FGFR2: variants seen among roughly 807,000 people sequenced by gnomAD.
The protein encoded by FGFR2 is BEK fibroblast growth factor receptor.
FGFR2 carries 19 observed loss-of-function variants against 95.9 expected under a neutral mutation model. That is an observed-to-expected ratio of 0.20 (90% CI 0.14 to 0.29). The LOEUF (loss-of-function observed/expected upper bound fraction) is 0.29, where lower values mean the gene tolerates loss of function less well. Ranked by LOEUF, FGFR2 falls within the 10% of genes least tolerant of loss-of-function variation. The pLI, the probability that FGFR2 is intolerant of heterozygous loss-of-function variation, is 1.00. For missense variants in FGFR2, 707 were observed against 1,056.9 expected (o/e 0.67, Z 4.59); for synonymous variants, 392 against 393.3 (o/e 1.00, Z 0.04).
At chr10:121,552,941 A>G (rs1402969071) in intron 4 of FGFR2, among the ~76,000 whole-genome samples, 1 of 152,188 alleles carries the variant, frequency 6.6e-6, no homozygotes, top group Admixed American at 6.5e-5. Flanking sequence ...TCTCTGATGC[A>G]TATTTAGAAG....
intron 5 of FGFR2, among the ~76,000 whole-genome samples, chr10:121,545,867 A>G (rs1196169691): frequency 6.6e-6 from 1 of 152,154 alleles, no homozygotes; most frequent in Non-Finnish European, 1.5e-5. Context: ...ATGCTCAATA[A>G]TGCTTTACTC....
chr10:121,577,178 T>TATATATATAGAG, intron 2 of FGFR2, among the ~76,000 whole-genome samples: 21 of 5,210 alleles, frequency 4.0e-3, no homozygotes, highest in Admixed American at 9.6e-3. Flanking sequence ...TATATATATA[T>TATATATATAGAG]AGAGAGAGAG....
In FGFR2 at chr10:121,509,685, G is replaced by A. The variant is rs139792117; in HGVS notation, c.1287+5432C>T. Among the ~76,000 whole-genome samples, 1,113 of 151,672 alleles carry A rather than the reference G, an allele frequency of 7.3e-3. 18 individuals carry two copies. Among genetic ancestry groups the A allele is most frequent in the African/African-American group, 0.026 (1,075 of 41,326 alleles). ...TTTAGTAGACACATGGTTTCATCAC[G>A]CTGGTCAGGCTGGTCTCGAACTCCT... On this transcript the variant is annotated intron_variant, in intron 9 of 17. Transcript: ENST00000358487.
At chr10:121,539,400 C>T (rs1486751660) in intron 5 of FGFR2, among the ~76,000 whole-genome samples, 2 of 152,162 alleles carry the variant, frequency 1.3e-5, no homozygotes, top group African/African-American at 4.8e-5. Flanking sequence ...CGTTCACAAA[C>T]TTCTTGAGAC....
At chr10:121,554,596 C>T (rs1855866816) in intron 4 of FGFR2, among the ~76,000 whole-genome samples, 1 of 150,042 alleles carries the variant, frequency 6.7e-6, no homozygotes, top group East Asian at 2.0e-4. Flanking sequence ...TGGTCTGGAT[C>T]TCCTGACCTC....
chr10:121,592,028 T>G (rs543009035), intron 2 of FGFR2, among the ~76,000 whole-genome samples: 131 of 152,336 alleles, frequency 8.6e-4, no homozygotes, highest in African/African-American at 3.0e-3. Context: ...TTACACTTTA[T>G]GTTGAAATAA....
rs755574715 is a variant in FGFR2, at chr10:121,503,851, G to A, written c.1378C>T (p.Leu460=). ...RLSSTADTPM[L]AGVSEYELPE... ...AGTTCATACTCGGAGACCCCTGCCAGCATGGGGGTGTCTGCCGTTGAAGAG... is the reference window on the plus strand; with the variant it reads ...AGTTCATACTCGGAGACCCCTGCCAACATGGGGGTGTCTGCCGTTGAAGAG... The change falls in exon 10 of 18, where the codon CTG becomes TTG. Residue 460 remains leucine, a synonymous_variant. Coordinates refer to ENST00000358487, the MANE Select transcript of FGFR2 (RefSeq NM_000141.5). 2.5e-6 allele frequency: 4 copies of A among 1,614,192 alleles called. No homozygotes were observed. Among genetic ancestry groups the A allele is most frequent in the Non-Finnish European group, 3.4e-6 (4 of 1,180,036 alleles).
intron 3 of FGFR2, 100 bp downstream of exon 3, chr10:121,565,338 G>T: frequency 6.8e-7 from 1 of 1,467,024 alleles, no homozygotes; most frequent in Non-Finnish European, 9.5e-7. Flanking sequence ...TGTATGCCTG[G>T]CATCCAATTA....
chr10:121,556,286 G>C (rs1046753653), intron 4 of FGFR2, among the ~76,000 whole-genome samples: 1 of 152,162 alleles, frequency 6.6e-6, no homozygotes, highest in African/African-American at 2.4e-5. Flanking sequence ...AGGATTATGT[G>C]ATTTCTTTTG....
At chr10:121,570,267 C>G (rs1479749525) in intron 2 of FGFR2, among the ~76,000 whole-genome samples, 2 of 152,230 alleles carry the variant, frequency 1.3e-5, no homozygotes, top group Admixed American at 1.3e-4. Context: ...TGACCTGACC[C>G]GCTGCCCACT....
chr10:121,571,588 G>A (rs1174994735), intron 2 of FGFR2, among the ~76,000 whole-genome samples: 1 of 151,480 alleles, frequency 6.6e-6, no homozygotes, highest in Non-Finnish European at 1.5e-5. Flanking sequence ...ATTACAGGTG[G>A]TAGCCACCGC....
chr10:121,577,185 A>AGAGAGAGAGAGAGAGG (rs1554859067), intron 2 of FGFR2, among the ~76,000 whole-genome samples: 3 of 114,812 alleles, frequency 2.6e-5, no homozygotes, highest in African/African-American at 1.1e-4. Flanking sequence ...ATATAGAGAG[A>AGAGAGAGAGAGAGAGG]GAGAGAGAGA....
intron 5 of FGFR2, among the ~76,000 whole-genome samples, chr10:121,545,518 G>A (rs552711692): frequency 2.0e-5 from 3 of 152,292 alleles, no homozygotes; most frequent in East Asian, 1.9e-4. Flanking sequence ...AAGTCACGAC[G>A]CAGGGGAGCA....
At chr10:121,558,360 A>G (rs1856476598) in intron 4 of FGFR2, among the ~76,000 whole-genome samples, 1 of 152,240 alleles carries the variant, frequency 6.6e-6, no homozygotes, top group African/African-American at 2.4e-5. Context: ...AATGTGTTGC[A>G]CCGAGGGGCA....
rs556312237 is a variant in FGFR2 at position 121,512,809 on chromosome 10, C to T, written c.1287+2308G>A. Among the ~76,000 whole-genome samples, 19 of 152,298 alleles carry T rather than the reference C, an allele frequency of 1.2e-4. No homozygotes were observed. In the East Asian group the frequency reaches 3.7e-3, roughly 29 times the overall value. On this transcript the variant is annotated intron_variant, in intron 9 of 17. Transcript: ENST00000358487. Reference sequence around the variant, plus strand: ...AGGAGGGAAGAAAAAGAGGAAGGAACTCTGATGTTCCCTCTGGTAACACAG... The same window carrying T: ...AGGAGGGAAGAAAAAGAGGAAGGAATTCTGATGTTCCCTCTGGTAACACAG...
intron 9 of FGFR2, among the ~76,000 whole-genome samples, chr10:121,513,987 G>A (rs749520147): frequency 1.3e-5 from 2 of 151,960 alleles, no homozygotes; most frequent in African/African-American, 4.8e-5. Flanking sequence ...CTGAAGTCCC[G>A]GGAGAGGCAT....
rs1222588749 is a variant in FGFR2, at chr10:121,539,787, A to G, written c.625-1072T>C. Reference sequence around the variant, plus strand: ...AAGTGTTTTTGGGTTAATCACGTAAAAAACAAATACAGGCAGAGCATCTGC... The same window carrying G: ...AAGTGTTTTTGGGTTAATCACGTAAGAAACAAATACAGGCAGAGCATCTGC... On this transcript the variant is annotated intron_variant, in intron 5 of 17. Transcript: ENST00000358487. 2.6e-5 allele frequency among the ~76,000 whole-genome samples: 4 copies of G among 152,366 alleles called. No homozygotes were observed. The South Asian group carries it at 6.2e-4, about 24-fold the overall frequency.
chr10:121,532,610 C>T (rs1346073021), intron 6 of FGFR2, among the ~76,000 whole-genome samples: 1 of 152,192 alleles, frequency 6.6e-6, no homozygotes, highest in African/African-American at 2.4e-5. Flanking sequence ...GCCGTGCCTC[C>T]GTCCCCTGGC....
rs982374565 is a variant in FGFR2 at position 121,485,536 on chromosome 10, C to T, written c.2058-4G>A. The T allele has an allele frequency of 6.2e-7, 1 of 1,614,074 alleles. No homozygotes were observed. ...CATTAACACCCCGAAGGACCAGCTG[C>T]AACAAAAGGAGAAAGCACGGCATTA... On this transcript the variant is annotated splice_polypyrimidine_tract_variant and splice_region_variant and intron_variant, in intron 15 of 17. Transcript: ENST00000358487. This position sits in a 1 kb window ranked among gnomAD's most constrained non-coding sequence, Gnocchi z 4.2.
Sources: allele counts gnomAD v4.1 joint callset (sites outside exome capture counted in the v4.1 genomes callset), GRCh38; gene constraint gnomAD v4.1.1; non-coding constraint Gnocchi (gnomAD v3.1); transcripts MANE v1.5; gene names NCBI Gene and HGNC (gene_info 2026-07-23, HGNC 2026-07-21).